The following CSPP1 variants were observed in gnomAD, a reference collection of about 807,000 sequenced individuals.
CSPP1 encodes the protein centrosome and spindle pole-associated protein 1.
Under a neutral mutation model 164.4 loss-of-function variants are expected in CSPP1, and 126 were observed. The observed-to-expected ratio is 0.77, with a 90% CI of 0.66 to 0.89. The LOEUF (loss-of-function observed/expected upper bound fraction) is 0.89. Ranked by LOEUF, CSPP1 falls within the 40% of genes least tolerant of loss-of-function variation. The probability of loss-of-function intolerance (pLI) is 0.00; values close to 1 mark genes in which losing one functional copy is unlikely to be tolerated. For synonymous variants in CSPP1, 472 were observed against 476.7 expected, an observed-to-expected ratio of 0.99 and a Z score of 0.13; for missense variants, 1,395 against 1,449.8, an observed-to-expected ratio of 0.96 and a Z score of 0.61.
chr8:67,159,926 T>TTTCCTTTCCTTCC (rs1827726630), intron 21 of CSPP1, among the ~76,000 whole-genome samples: 1 of 41,568 alleles, frequency 2.4e-5, no homozygotes, highest in African/African-American at 1.1e-4. Context: ...CTTTCTTTCC[T>TTTCCTTTCCTTCC]TTCCTTCCTT....
In CSPP1 at chr8:67,149,949, T is replaced by TG; in HGVS notation, c.2128+14_2128+15insG. 1 of 66,788 alleles carries TG rather than the reference T, an allele frequency of 1.5e-5. No individual in the cohort carries two copies. Among genetic ancestry groups the TG allele is most frequent in the African/African-American group, 7.4e-4 (1 of 1,346 alleles). The allele number at this position is 66,788 out of a possible 1,614,324, so 4.1% of individuals were successfully genotyped here. On this transcript the variant is annotated intron_variant, in intron 18 of 30. Coordinates refer to ENST00000678616, the MANE Select transcript of CSPP1 (RefSeq NM_001382391.1). ...ATAAAAGCTCAGGTTTTTAATCACTTTTTTTTTTTTTTTTTTTTTTTTACA... is the reference window on the plus strand; with the variant it reads ...ATAAAAGCTCAGGTTTTTAATCACTTGTTTTTTTTTTTTTTTTTTTTTTACA...
At chr8:67,181,893 C>T (rs939186804) in intron 28 of CSPP1, among the ~76,000 whole-genome samples, 1 of 152,210 alleles carries the variant, frequency 6.6e-6, no homozygotes, top group Non-Finnish European at 1.5e-5. Flanking sequence ...TTTGACTACT[C>T]TAGGACCTCA....
chr8:67,099,510 T>G (rs988262223), intron 7 of CSPP1: 2 of 152,162 alleles, frequency 1.3e-5, no homozygotes, highest in African/African-American at 4.8e-5. Context: ...GAACTTTGAT[T>G]AGAATCAAAT....
intron 8 of CSPP1, 96 bp downstream of exon 8, chr8:67,103,231 AAATTAACAGCCTT>A: frequency 1.5e-6 from 1 of 671,254 alleles, no homozygotes. Flanking sequence ...AAGATACAGT[AAATTAACAGCCTT>A]CCTTCTTAGT....
At chr8:67,141,314 C>G (rs1393480228) in intron 17 of CSPP1, among the ~76,000 whole-genome samples, 1 of 152,058 alleles carries the variant, frequency 6.6e-6, no homozygotes, top group Admixed American at 6.6e-5. Flanking sequence ...AATTGCGTGA[C>G]CTAATGAGCA....
In CSPP1 at chr8:67,137,552, G is replaced by T; in HGVS notation, c.1924G>T (p.Gly642Ter). Residue 642 changes from glycine to a stop codon, truncating the protein, a stop_gained, in exon 17 of 31, where the codon GGA (glycine) becomes TGA (stop). Transcript: ENST00000678616. LOFTEE classifies it high-confidence loss of function. The stretch of plus-strand genomic sequence containing the variant: ...TGAAATGAGAACATATAATCCCTGG[G>T]GAAAAGGTGGAGGTGGTGCTCCTCT... ...EAEMRTYNPW[G>*]KGGGGAPLRD... The T allele has an allele frequency of 6.3e-7, 1 of 1,595,076 alleles. No individual in the cohort carries two copies. The highest frequency in any genetic ancestry group is 1.7e-5 in the Admixed American group (1 of 58,054).
chr8:67,166,056 A>G (rs1367980271), intron 24 of CSPP1, among the ~76,000 whole-genome samples: 1 of 152,138 alleles, frequency 6.6e-6, no homozygotes, highest in African/African-American at 2.4e-5. Flanking sequence ...TTATTTCACA[A>G]ATTGTTCCAA....
At chr8:67,172,161 T>TC (rs1394719532) in intron 24 of CSPP1, among the ~76,000 whole-genome samples, 1 of 150,074 alleles carries the variant, frequency 6.7e-6, no homozygotes, top group Non-Finnish European at 1.5e-5. Context: ...ATAATTTTTT[T>TC]TTTTTTTTTT....
At chr8:67,167,261 G>C (rs994990699) in intron 24 of CSPP1, among the ~76,000 whole-genome samples, 1 of 152,204 alleles carries the variant, frequency 6.6e-6, no homozygotes, top group Non-Finnish European at 1.5e-5. Context: ...CGGGGTGGCG[G>C]CTGGGCAGAG....
At chr8:67,125,218 A>G (rs1334920693) in intron 15 of CSPP1, among the ~76,000 whole-genome samples, 1 of 152,068 alleles carries the variant, frequency 6.6e-6, no homozygotes, top group African/African-American at 2.4e-5. Context: ...TTTAGCTTTC[A>G]TTTTTGAAGG....
Position 67,179,899 on chromosome 8 carries a change from T to G in CSPP1, c.3193T>G (p.Leu1065Val). 1 of 1,588,408 alleles carries G rather than the reference T, an allele frequency of 6.3e-7. No homozygotes were observed. The highest frequency in any genetic ancestry group is 8.6e-7 in the Non-Finnish European group (1 of 1,157,176). ...CACTAGTGATTTCTTGAAAAACTCA[T>G]TATTGGAATCTGATAGTGCTTTTAT... ...DDTSDFLKNS[L>V]LESDSAFIGA... The change falls in exon 28 of 31, where the codon TTA (leucine) becomes GTA (valine). Residue 1065 changes from leucine to valine, a missense_variant. Coordinates refer to ENST00000678616, the MANE Select transcript of CSPP1 (RefSeq NM_001382391.1).
intron 24 of CSPP1, among the ~76,000 whole-genome samples, chr8:67,170,726 G>A (rs180847168): frequency 8.3e-4 from 127 of 152,128 alleles, no homozygotes; most frequent in Middle Eastern, 6.8e-3. Flanking sequence ...TTTCAATAAC[G>A]TTATAAATAT....
rs1446051273 is a variant in CSPP1 at position 67,191,342 on chromosome 8, T to C, written c.3330+583T>C. Among the ~76,000 whole-genome samples the C allele has an allele frequency of 2.6e-5, 4 of 152,230 alleles. No homozygotes were observed. In the East Asian group the frequency reaches 7.7e-4, roughly 29 times the overall value. On this transcript the variant is annotated intron_variant, in intron 29 of 30. Coordinates refer to ENST00000678616, the MANE Select transcript of CSPP1 (RefSeq NM_001382391.1). ...TATATGACGTGAAGATGCAGTTATA[T>C]GTGAAGCATTTAGCACTGAGCCAAG...
At chr8:67,189,924 A>G (rs1328987727) in intron 28 of CSPP1, among the ~76,000 whole-genome samples, 4 of 152,206 alleles carry the variant, frequency 2.6e-5, no homozygotes, top group Non-Finnish European at 5.9e-5. Context: ...CCGATCCACT[A>G]GAATGATTAT....
intron 24 of CSPP1, 97 bp from the exon 25 acceptor site, chr8:67,172,319 G>A: frequency 1.1e-6 from 1 of 878,586 alleles, no homozygotes; most frequent in Non-Finnish European, 1.8e-6. Flanking sequence ...ATAATATGAT[G>A]TGGTGAAAAA....
Position 67,137,284 on chromosome 8 carries a change from A to C in CSPP1, c.1828-172A>C, listed in dbSNP as rs111420322. ...CCTGACCTAAAGTATTTTTACATTG[A>C]GTATTACATATATTTGTGATTTTAA... On this transcript the variant is annotated intron_variant, in intron 16 of 30. Transcript: ENST00000678616. Among the ~76,000 whole-genome samples the C allele has an allele frequency of 0.048, 7,298 of 152,084 alleles. 264 individuals carry two copies. Among genetic ancestry groups the C allele is most frequent in the African/African-American group, 0.096 (3,984 of 41,482 alleles).
At chr8:67,145,858 A>G (rs1824440173) in intron 17 of CSPP1, among the ~76,000 whole-genome samples, 1 of 152,028 alleles carries the variant, frequency 6.6e-6, no homozygotes, top group Non-Finnish European at 1.5e-5. Flanking sequence ...TGCTTAGACT[A>G]TGATTTGAGA....
chr8:67,168,423 T>C (rs903895868), intron 24 of CSPP1, among the ~76,000 whole-genome samples: 4 of 152,150 alleles, frequency 2.6e-5, no homozygotes, highest in African/African-American at 9.7e-5. Context: ...CCAATATGAT[T>C]TAAGAAAGAG....
intron 19 of CSPP1, chr8:67,157,623 A>G (rs1826921225): frequency 6.6e-6 from 1 of 152,288 alleles, no homozygotes; most frequent in Non-Finnish European, 1.5e-5. Context: ...GGAAGTACAG[A>G]CAAGAAAAAC....
Sources: gnomAD v4.1 joint callset for allele counts (sites outside exome capture counted in the v4.1 genomes callset) on GRCh38, gnomAD v4.1.1 for gene constraint, MANE v1.5 for transcripts, NCBI Gene and HGNC (gene_info 2026-07-23, HGNC 2026-07-21) for gene names.